The following PLCG2 variants were observed in gnomAD, a reference collection of about 807,000 sequenced individuals.
The protein encoded by PLCG2 is phospholipase C gamma 2, also known as 1-phosphatidylinositol 4,5-bisphosphate phosphodiesterase gamma-2.
Under a neutral mutation model 175.6 loss-of-function variants are expected in PLCG2, and 69 were observed. The observed-to-expected ratio is 0.39, with a 90% CI of 0.32 to 0.48. The LOEUF is 0.48. PLCG2 is among the 20% of genes least tolerant of loss of function. The pLI is 0.91. For synonymous variants in PLCG2, 827 were observed against 624.0 expected (o/e 1.33, Z -4.85); for missense variants, 1,798 against 1,650.9 (o/e 1.09, Z -1.54).
At chr16:81,788,561 A>C (rs1028099022) in intron 2 of PLCG2, among the ~76,000 whole-genome samples, 2 of 152,148 alleles carry the variant, frequency 1.3e-5, no homozygotes, top group Non-Finnish European at 2.9e-5. Flanking sequence ...GGTTGCCCCC[A>C]CTGTCTGTTT....
intron 2 of PLCG2, among the ~76,000 whole-genome samples, chr16:81,795,666 C>G (rs1195646335): frequency 6.6e-6 from 1 of 151,854 alleles, no homozygotes; most frequent in Non-Finnish European, 1.5e-5. Flanking sequence ...ATGGGCCATA[C>G]CTGAAGTGGA....
At chr16:81,883,242 A>C (rs1430046589) in intron 8 of PLCG2, 27 bp from the exon 9 acceptor site, 1 of 1,607,576 alleles carries the variant, frequency 6.2e-7, no homozygotes, top group African/African-American at 1.3e-5. Context: ...GTCTGTCTCT[A>C]ACTGCACCCC....
At chr16:81,855,718 C>A (rs996760166) in intron 3 of PLCG2, among the ~76,000 whole-genome samples, 5 of 152,114 alleles carry the variant, frequency 3.3e-5, no homozygotes, top group Admixed American at 3.3e-4. Context: ...GGAAGCTTGG[C>A]AGAGAAGGTG....
chr16:81,949,352 C>T (rs1597152683), intron 31 of PLCG2, among the ~76,000 whole-genome samples: 1 of 152,092 alleles, frequency 6.6e-6, no homozygotes, highest in Admixed American at 6.6e-5. Flanking sequence ...ATGTTAAGTT[C>T]CAAGGATAAA....
At chr16:81,868,799 A>G (rs1375024491) in intron 5 of PLCG2, among the ~76,000 whole-genome samples, 1 of 152,240 alleles carries the variant, frequency 6.6e-6, no homozygotes, top group East Asian at 1.9e-4. Context: ...ACCTTCCTCC[A>G]TGACCATTCC....
intron 26 of PLCG2, chr16:81,935,813 C>T (rs1394817476): frequency 3.0e-6 from 3 of 985,202 alleles, no homozygotes; most frequent in Non-Finnish European, 3.6e-6. Flanking sequence ...CTGGATCTTC[C>T]CCTCCCAAGA....
intron 24 of PLCG2, among the ~76,000 whole-genome samples, chr16:81,929,964 G>A (rs147759171): frequency 1.3e-5 from 2 of 152,284 alleles, no homozygotes; most frequent in African/African-American, 4.8e-5. Context: ...AGTCAGGTTT[G>A]AACTGAGCCT....
At chr16:81,950,630 TACATTTTTTAA>T (rs199612461) in intron 31 of PLCG2, among the ~76,000 whole-genome samples, 2,392 of 152,350 alleles carry the variant, frequency 0.016, 56 homozygotes, top group African/African-American at 0.054. Context: ...AAAACTTTAA[TACATTTTTTAA>T]AAATAATGAT....
chr16:81,822,756 C>G (rs549785067), intron 2 of PLCG2, among the ~76,000 whole-genome samples: 2 of 3,824 alleles, frequency 5.2e-4, no homozygotes, highest in African/African-American at 3.6e-3. Flanking sequence ...AGCGAGACTC[C>G]ATCTCAAAAA....
intron 1 of PLCG2, among the ~76,000 whole-genome samples, chr16:81,754,840 A>G (rs957375285): frequency 6.6e-6 from 1 of 152,210 alleles, no homozygotes; most frequent in Admixed American, 6.5e-5. Context: ...CATTGTAGGT[A>G]TTCAAACTTT....
chr16:81,784,592 C>T (rs1447573825), intron 1 of PLCG2, among the ~76,000 whole-genome samples: 2 of 152,132 alleles, frequency 1.3e-5, no homozygotes, highest in Admixed American at 1.3e-4. Flanking sequence ...CCTCCAGGGA[C>T]TTGGAGGGAA....
intron 7 of PLCG2, among the ~76,000 whole-genome samples, chr16:81,871,558 G>A (rs1907517082): frequency 6.6e-6 from 1 of 152,198 alleles, no homozygotes. Flanking sequence ...GGCAGGTCTC[G>A]AACTTCTAAC....
chr16:81,880,371 G>A (rs1183858853), intron 7 of PLCG2, among the ~76,000 whole-genome samples: 1 of 152,202 alleles, frequency 6.6e-6, no homozygotes, highest in South Asian at 2.1e-4. Flanking sequence ...GTGTCTACGC[G>A]CTTTTCCTTC....
chr16:81,782,383 C>CT (rs538600912), intron 1 of PLCG2, among the ~76,000 whole-genome samples: 566 of 148,858 alleles, frequency 3.8e-3, no homozygotes, highest in South Asian at 4.9e-3. Context: ...GATTTCAAGG[C>CT]TTTTTTTTTT....
rs532476250 is a variant in PLCG2, at chr16:81,853,354, A to C, written c.194-1090A>C. On this transcript the variant is annotated intron_variant, in intron 2 of 32. Transcript: ENST00000564138. The stretch of plus-strand genomic sequence containing the variant: ...TCAAAAAAAAAAAACAAAACAACAA[A>C]AAAAAACCATTAGACCCTGAACTGG... Among the ~76,000 whole-genome samples, 12 of 152,170 alleles carry C rather than the reference A, an allele frequency of 7.9e-5. No individual in the cohort carries two copies. In the East Asian group the frequency reaches 1.4e-3, roughly 17 times the overall value.
At chr16:81,938,640 C>T (rs1910813481) in intron 28 of PLCG2, 161 bp from the exon 29 acceptor site, 3 of 600,998 alleles carry the variant, frequency 5.0e-6, no homozygotes, top group Admixed American at 2.9e-5. Context: ...AGTCCACCTT[C>T]ATCCACTGCA....
At chr16:81,897,892 G>A (rs1908969262) in intron 13 of PLCG2, 1 of 455,062 alleles carries the variant, frequency 2.2e-6, no homozygotes, top group African/African-American at 2.0e-5. Flanking sequence ...CTTGAGCTGG[G>A]TGGAGGTGTT....
intron 7 of PLCG2, among the ~76,000 whole-genome samples, chr16:81,880,304 A>G (rs1908015272): frequency 6.6e-6 from 1 of 152,220 alleles, no homozygotes; most frequent in South Asian, 2.1e-4. Flanking sequence ...GCCTATCTCA[A>G]CTGTTTTGAG....
At chr16:81,913,613 G>T (rs1437529598) in intron 19 of PLCG2, among the ~76,000 whole-genome samples, 1 of 152,186 alleles carries the variant, frequency 6.6e-6, no homozygotes, top group Non-Finnish European at 1.5e-5. Context: ...ACACTGATGT[G>T]AAAAACTGAG....
Sources: allele counts gnomAD v4.1 joint callset (sites outside exome capture counted in the v4.1 genomes callset), GRCh38; gene constraint gnomAD v4.1.1; transcripts MANE v1.5; gene names NCBI Gene and HGNC (gene_info 2026-07-23, HGNC 2026-07-21).